Variants in CCT4 observed in about 807,000 individuals in gnomAD.
CCT4 encodes chaperonin containing TCP1 subunit 4, also known as T-complex protein 1 subunit delta.
CCT4 carries 17 observed loss-of-function variants against 62.5 expected under a neutral mutation model. The observed-to-expected ratio is 0.27, with a 90% CI of 0.19 to 0.41. CCT4 has a LOEUF of 0.41. Ranked by LOEUF, CCT4 falls within the 10% of genes least tolerant of loss-of-function variation. CCT4 has a pLI of 1.00. For synonymous variants in CCT4, 250 were observed against 229.9 expected (o/e 1.09, Z -0.79); for missense variants, 592 against 659.2 (o/e 0.90, Z 1.12).
At chr2:61,877,593 G>A (rs1467082936) in intron 5 of CCT4, 79 bp from the exon 6 acceptor site, 2 of 1,120,704 alleles carry the variant, frequency 1.8e-6, no homozygotes, top group Admixed American at 3.2e-5. Flanking sequence ...AGATACTTAA[G>A]AAAGACTCTT....
chr2:61,879,320 G>A lies in CCT4; in HGVS notation c.380-309C>T, dbSNP rs556458794. ...TCTGTCACCCAGGCTAGAGTGCAGC[G>A]CCCTGATCTCAGCTCACTACAGCCT... On this transcript the variant is annotated intron_variant, in intron 4 of 13. Transcript: ENST00000394440. Among the ~76,000 whole-genome samples, 101 of 133,986 alleles carry A rather than the reference G, an allele frequency of 7.5e-4. 1 individual carries two copies. The highest frequency in any genetic ancestry group is 2.5e-3 in the African/African-American group (87 of 35,238). The allele number at this position is 133,986 out of a possible 152,430, so 87.9% of individuals were successfully genotyped here. A position where few individuals can be genotyped will look rare whatever the true frequency, so the allele number is the denominator to read the frequency against.
At chr2:61,884,527 T>C (rs2105141462) in intron 2 of CCT4, among the ~76,000 whole-genome samples, 2 of 151,904 alleles carry the variant, frequency 1.3e-5, no homozygotes, top group South Asian at 4.2e-4. Context: ...GCCAGGCTGG[T>C]CTTGAACTCT....
At chr2:61,883,237 C>G (rs1399912398) in intron 3 of CCT4, among the ~76,000 whole-genome samples, 2 of 152,026 alleles carry the variant, frequency 1.3e-5, no homozygotes, top group African/African-American at 2.4e-5. Flanking sequence ...GCCTGACCAA[C>G]ATGGTGAAAC....
At chr2:61,870,844 GGGA>G (rs1668868675) in intron 12 of CCT4, among the ~76,000 whole-genome samples, 1 of 151,900 alleles carries the variant, frequency 6.6e-6, no homozygotes. Context: ...GCTTGAACTT[GGGA>G]GGAGGAGGTT....
Position 61,875,971 on chromosome 2 carries a change from T to C in CCT4, c.917+124A>G. On this transcript the variant is annotated intron_variant, in intron 8 of 13. Coordinates refer to ENST00000394440, the MANE Select transcript of CCT4 (RefSeq NM_006430.4). Reference sequence around the variant, plus strand: ...TTCTCCATTTCGTTTCACCTAAGAGTTGTCTGTTAAGAAATACGAACTTAG... The same window carrying C: ...TTCTCCATTTCGTTTCACCTAAGAGCTGTCTGTTAAGAAATACGAACTTAG... 2.1e-5 allele frequency: 12 copies of C among 577,038 alleles called. No homozygotes were observed. In the South Asian group the frequency reaches 3.9e-4, roughly 19 times the overall value. The allele number at this position is 577,038 out of a possible 1,614,324, so 35.7% of individuals were successfully genotyped here.
chr2:61,875,709 G>GT (rs138562743), intron 8 of CCT4, among the ~76,000 whole-genome samples: 2,712 of 152,026 alleles, frequency 0.018, 54 homozygotes, highest in Middle Eastern at 0.031. Context: ...GAAGAAATAA[G>GT]TTTTTTAAAA....
chr2:61,887,221 A>C (rs1405741296), intron 1 of CCT4, among the ~76,000 whole-genome samples: 1 of 152,228 alleles, frequency 6.6e-6, no homozygotes, highest in Non-Finnish European at 1.5e-5. Flanking sequence ...ACTCATTAGG[A>C]CAAGTTAGAA....
At chr2:61,880,259 T>C in intron 4 of CCT4, 27 bp downstream of exon 4, 1 of 1,223,432 alleles carries the variant, frequency 8.2e-7, no homozygotes. Flanking sequence ...CTTTTCTTTA[T>C]TCAGTAATAA....
In CCT4 at chr2:61,868,445, G is replaced by C. The variant is rs1368873502; in HGVS notation, c.*247C>G. ...CTCACTTTTTACGCTTCTTTTATTA[G>C]TTTTTATTAGTTTTTCAAAAGTATC... On this transcript the variant is annotated 3_prime_UTR_variant, in exon 14 of 14. Transcript: ENST00000394440. The C allele has an allele frequency of 6.5e-6, 3 of 458,818 alleles. No homozygotes were observed. In the Admixed American group the frequency reaches 1.1e-4, roughly 16 times the overall value. The allele number at this position is 458,818 out of a possible 1,614,324, so 28.4% of individuals were successfully genotyped here.
intron 5 of CCT4, 135 bp from the exon 6 acceptor site, chr2:61,877,649 G>A: frequency 1.7e-6 from 1 of 594,448 alleles, no homozygotes; most frequent in Non-Finnish European, 2.8e-6. Flanking sequence ...AAACACTCAT[G>A]AGAAGACAGT....
In CCT4 at chr2:61,888,648, G is replaced by A; in HGVS notation, c.-141C>T. The stretch of plus-strand genomic sequence containing the variant: ...GCGCCGGCGTCGGGAGGAGGCGGAG[G>A]CGGAGAAGGGGGCCTTCCTTGCCGC... On this transcript the variant is annotated 5_prime_UTR_variant, in exon 1 of 14. Transcript: ENST00000394440. The A allele has an allele frequency of 1.0e-6, 1 of 983,446 alleles. No homozygotes were observed. Among genetic ancestry groups the A allele is most frequent in the Non-Finnish European group, 1.4e-6 (1 of 692,862 alleles). 60.9% of individuals were successfully genotyped at this position (983,446 alleles called of 1,614,324 possible).
Position 61,878,974 on chromosome 2 carries a change from C to T in CCT4, c.417G>A (p.Lys139=), listed in dbSNP as rs761293608. The T allele has an allele frequency of 5.0e-6, 8 of 1,608,804 alleles. No individual in the cohort carries two copies. In the South Asian group the frequency reaches 8.9e-5, roughly 18 times the overall value. The change falls in exon 5 of 14, where the codon AAG becomes AAA. Residue 139 remains lysine (K), a synonymous_variant. Coordinates refer to ENST00000394440, the MANE Select transcript of CCT4 (RefSeq NM_006430.4). Reference sequence around the variant, plus strand: ...AGATTTCAATGCCCTTTTCCAGGGCCTTCTGGAATGACTCAGAAATGATGG... The same window carrying T: ...AGATTTCAATGCCCTTTTCCAGGGCTTTCTGGAATGACTCAGAAATGATGG... ...HPTIISESFQ[K]ALEKGIEILT...
chr2:61,885,996 TG>T (rs1382236686), intron 1 of CCT4: 2 of 152,202 alleles, frequency 1.3e-5, no homozygotes, highest in African/African-American at 4.8e-5. Context: ...CTGTCTAGTA[TG>T]TAATCTCTGA....
Position 61,873,395 on chromosome 2 carries a change from T to G in CCT4, c.918-102A>C, listed in dbSNP as rs1454917053. On this transcript the variant is annotated intron_variant, in intron 8 of 13. Coordinates refer to ENST00000394440, the MANE Select transcript of CCT4 (RefSeq NM_006430.4). ...TTACTGTTTCTTAAATGGCCAATCA[T>G]TATTTCTGAAGAAAAATGCTTTAGT... 4.9e-6 allele frequency: 3 copies of G among 612,170 alleles called. No homozygotes were observed. The Admixed American group carries it at 9.0e-5, about 18-fold the overall frequency. The allele number at this position is 612,170 out of a possible 1,614,324, so 37.9% of individuals were successfully genotyped here.
chr2:61,871,711 G>A (rs1360068183), intron 12 of CCT4, among the ~76,000 whole-genome samples: 1 of 152,182 alleles, frequency 6.6e-6, no homozygotes, highest in Non-Finnish European at 1.5e-5. Flanking sequence ...TTTTTATACA[G>A]TCTTTAGTAT....
chr2:61,880,363 T>C lies in CCT4; in HGVS notation c.302A>G (p.Glu101Gly), dbSNP rs1669087169. ...LVELSKAQDI[E>G]AGDGTTSVVI... ...TACTGATGTGGTGCCATCTCCTGCTTCTATATCTTGAGCCTTAGACAGCTC... is the reference window on the plus strand; with the variant it reads ...TACTGATGTGGTGCCATCTCCTGCTCCTATATCTTGAGCCTTAGACAGCTC... Residue 101 changes from glutamate to glycine, a missense_variant, in exon 4 of 14, where the codon GAA becomes GGA. Physicochemically the swap from Glu to Gly is moderately conservative, Grantham distance 98 (BLOSUM62 -2). This residue lies in a region of CCT4 where 522 missense variants were observed against 571.2 expected (regional missense o/e 0.91). Transcript: ENST00000394440. 1 of 1,606,664 alleles carries C rather than the reference T, an allele frequency of 6.2e-7. No individual in the cohort carries two copies. The highest frequency in any genetic ancestry group is 2.2e-5 in the East Asian group (1 of 44,596).
intron 3 of CCT4, among the ~76,000 whole-genome samples, chr2:61,881,387 G>C (rs1448046405): frequency 4.6e-5 from 7 of 152,098 alleles, no homozygotes; most frequent in Non-Finnish European, 7.4e-5. Context: ...CTCCCAAAGT[G>C]CTGGGATTAC....
chr2:61,888,425 T>C lies in CCT4; in HGVS notation c.83A>G (p.Asp28Gly), dbSNP rs145745878. 2.9e-5 allele frequency: 47 copies of C among 1,612,630 alleles called. No individual in the cohort carries two copies. The African/African-American group carries it at 5.7e-4, about 20-fold the overall frequency. The change falls in exon 1 of 14, where the codon GAC becomes GGC. Residue 28 changes from aspartate to glycine, a missense_variant. Around this residue, in one of 3 missense-constraint regions of CCT4, gnomAD observed 67 missense variants for 71.1 expected, o/e 0.94. Coordinates refer to ENST00000394440, the MANE Select transcript of CCT4 (RefSeq NM_006430.4). ...GRGKGAYQDRDKPAQIRFSNI... is the reference protein window; with the variant it reads ...GRGKGAYQDRGKPAQIRFSNI... Reference sequence around the variant, plus strand: ...GCTGAAGCGGATCTGGGCTGGCTTGTCGCGGTCCTGATAGGCGCCTTTCCC... The same window carrying C: ...GCTGAAGCGGATCTGGGCTGGCTTGCCGCGGTCCTGATAGGCGCCTTTCCC...
chr2:61,872,948 T>A, intron 10 of CCT4, 54 bp downstream of exon 10: 6 of 1,055,962 alleles, frequency 5.7e-6, no homozygotes, highest in Non-Finnish European at 8.9e-6. Context: ...AAAAACAACC[T>A]AAAACCCCAT....
Sources: gnomAD v4.1 joint callset for allele counts (sites outside exome capture counted in the v4.1 genomes callset) on GRCh38, gnomAD v4.1.1 for gene constraint, gnomAD v4.1.1 regional missense constraint, MANE v1.5 for transcripts, NCBI Gene and HGNC (gene_info 2026-07-23, HGNC 2026-07-21) for gene names.